Variants in LEPR observed in about 807,000 individuals in gnomAD.
LEPR encodes leptin receptor.
In LEPR, 56 loss-of-function variants were observed where a neutral mutation model predicts 114.7. That is an observed-to-expected ratio of 0.49 (90% CI 0.39 to 0.61). LEPR has a LOEUF of 0.61. Among genes scored for constraint, LEPR ranks in the 20% least tolerant of loss-of-function variants. The pLI, the probability that LEPR is intolerant of heterozygous loss-of-function variation, is 0.00. For synonymous variants in LEPR, 443 were observed against 461.4 expected (o/e 0.96, Z 0.51); for missense variants, 1,202 against 1,352.9 (o/e 0.89, Z 1.75).
intron 5 of LEPR, among the ~76,000 whole-genome samples, chr1:65,583,849 T>C (rs1412345232): frequency 6.6e-6 from 1 of 152,122 alleles, no homozygotes; most frequent in African/African-American, 2.4e-5. Context: ...TAATATGCTC[T>C]ACATGTTCAA....
At chr1:65,426,867 A>AC (rs1646384759) in intron 2 of LEPR, among the ~76,000 whole-genome samples, 1 of 152,072 alleles carries the variant, frequency 6.6e-6, no homozygotes, top group Non-Finnish European at 1.5e-5. Context: ...GCGTGGTGGC[A>AC]CACGCCTGTA....
At chr1:65,526,100 TCGGGACCA>T (rs1398596919) in intron 2 of LEPR, 1 of 913,642 alleles carries the variant, frequency 1.1e-6, no homozygotes. Context: ...GCGAACCTGC[TCGGGACCA>T]CCGAGAGAGC....
At chr1:65,585,510 T>G (rs976836052) in intron 5 of LEPR, among the ~76,000 whole-genome samples, 2 of 152,030 alleles carry the variant, frequency 1.3e-5, no homozygotes, top group African/African-American at 4.8e-5. Flanking sequence ...ATCTCTACCT[T>G]TTGTGTAAAA....
intron 2 of LEPR, among the ~76,000 whole-genome samples, chr1:65,460,250 A>C (rs1646927763): frequency 6.6e-6 from 1 of 152,130 alleles, no homozygotes; most frequent in Non-Finnish European, 1.5e-5. Context: ...CAGAGAGAGA[A>C]AGTAACTTTC....
At chr1:65,601,250 A>T in intron 8 of LEPR, 142 bp from the exon 9 acceptor site, 1 of 1,007,766 alleles carries the variant, frequency 9.9e-7, no homozygotes, top group Non-Finnish European at 1.5e-6. Flanking sequence ...AGGTAATTTC[A>T]GCATTATCCA....
chr1:65,572,873 C>G (rs994345603), intron 5 of LEPR, among the ~76,000 whole-genome samples: 3 of 152,218 alleles, frequency 2.0e-5, no homozygotes, highest in African/African-American at 7.2e-5. Context: ...CTCTCACTGT[C>G]TGCTCTGTTT....
At chr1:65,593,743 A>G (rs534859415) in intron 6 of LEPR, among the ~76,000 whole-genome samples, 2 of 152,244 alleles carry the variant, frequency 1.3e-5, no homozygotes, top group Admixed American at 6.5e-5. Flanking sequence ...AGACTTTCAA[A>G]TAATTTGTCC....
intron 2 of LEPR, chr1:65,429,861 G>A (rs765431973): frequency 6.8e-7 from 1 of 1,465,184 alleles, no homozygotes; most frequent in South Asian, 1.5e-5. Context: ...CCAACTGACA[G>A]CGTTTACTGG....
At chr1:65,585,751 C>T (rs1465899925) in intron 5 of LEPR, among the ~76,000 whole-genome samples, 1 of 151,798 alleles carries the variant, frequency 6.6e-6, no homozygotes, top group Non-Finnish European at 1.5e-5. Context: ...TGTTTTAAGC[C>T]AAGTATATCT....
intron 2 of LEPR, chr1:65,526,368 A>G: frequency 1.0e-6 from 1 of 985,436 alleles, no homozygotes; most frequent in Non-Finnish European, 1.2e-6. Context: ...AATCCTAACC[A>G]AACCACTTAC....
chr1:65,621,499 T>G (rs748476779), intron 18 of LEPR, 41 bp downstream of exon 18: 5 of 1,536,822 alleles, frequency 3.3e-6, no homozygotes, highest in Non-Finnish European at 3.6e-6. Context: ...GCAAAAGTCC[T>G]TACGCGTATT....
chr1:65,570,360 T>A, intron 3 of LEPR, 113 bp from the exon 4 acceptor site: 1 of 1,031,872 alleles, frequency 9.7e-7, no homozygotes, highest in South Asian at 1.6e-5. Context: ...CACTGAGGAC[T>A]TAGAAAGTTA....
At chr1:65,573,363 T>C (rs1654346676) in intron 5 of LEPR, among the ~76,000 whole-genome samples, 1 of 152,230 alleles carries the variant, frequency 6.6e-6, no homozygotes, top group Admixed American at 6.5e-5. Context: ...TCAGGAGTGC[T>C]AGATATTTGA....
intron 5 of LEPR, among the ~76,000 whole-genome samples, chr1:65,592,445 C>T (rs542961609): frequency 2.7e-5 from 4 of 150,824 alleles, no homozygotes; most frequent in East Asian, 1.9e-4. Flanking sequence ...TTCACTTTTA[C>T]GTCATTATCT....
chr1:65,442,308 A>G (rs766379660), intron 2 of LEPR, among the ~76,000 whole-genome samples: 4 of 152,152 alleles, frequency 2.6e-5, no homozygotes, highest in Non-Finnish European at 5.9e-5. Flanking sequence ...CAATAACTTA[A>G]TTCTTTCAAC....
At chr1:65,500,514 A>C (rs1648392230) in intron 2 of LEPR, among the ~76,000 whole-genome samples, 2 of 152,178 alleles carry the variant, frequency 1.3e-5, no homozygotes, top group Admixed American at 1.3e-4. Flanking sequence ...CTTCCCCCTC[A>C]GCCTACTCAA....
chr1:65,427,397 G>A (rs1646400315), intron 2 of LEPR, among the ~76,000 whole-genome samples: 1 of 152,060 alleles, frequency 6.6e-6, no homozygotes, highest in Non-Finnish European at 1.5e-5. Flanking sequence ...AACAAAGTGA[G>A]ACCCCATTCT....
chr1:65,477,679 A>G (rs141763841), intron 2 of LEPR, among the ~76,000 whole-genome samples: 241 of 152,312 alleles, frequency 1.6e-3, no homozygotes, highest in Non-Finnish European at 2.8e-3. Flanking sequence ...CCTGCCCTCA[A>G]ATGGGTTCAA....
Position 65,636,658 on chromosome 1 carries a change from T to G in LEPR, c.3141T>G (p.Ile1047Met), listed in dbSNP as rs1658730579. 1 of 1,610,296 alleles carries G rather than the reference T, an allele frequency of 6.2e-7. No homozygotes were observed. The highest frequency in any genetic ancestry group is 1.3e-5 in the African/African-American group (1 of 74,830). The change falls in exon 20 of 20, where the codon ATT (isoleucine) becomes ATG (methionine). Residue 1047 changes from isoleucine (I) to methionine (M), a missense_variant. By Grantham distance (10) the Ile-to-Met change is conservative. Transcript: ENST00000349533. ...FILSDQHPNI[I>M]SPHLTFSEGL... Reference sequence around the variant, plus strand: ...TATCAGATCAGCATCCCAACATAATTTCACCACACCTCACATTCTCAGAAG... The same window carrying G: ...TATCAGATCAGCATCCCAACATAATGTCACCACACCTCACATTCTCAGAAG...
Sources: allele counts gnomAD v4.1 joint callset (sites outside exome capture counted in the v4.1 genomes callset), GRCh38; gene constraint gnomAD v4.1.1; transcripts MANE v1.5; gene names NCBI Gene and HGNC (gene_info 2026-07-23, HGNC 2026-07-21).